The following CACNA1A variants were observed in gnomAD, a reference collection of about 807,000 sequenced individuals.
The protein encoded by CACNA1A is calcium voltage-gated channel subunit alpha1 A.
CACNA1A carries 57 observed loss-of-function variants against 262.4 expected under a neutral mutation model. The ratio of observed to expected loss-of-function variants is 0.22; its 90% confidence interval spans 0.18 to 0.27. CACNA1A has a LOEUF of 0.27. CACNA1A is among the 10% of genes least tolerant of loss of function. The pLI is 1.00. For missense variants in CACNA1A, 2,526 were observed against 3,562.8 expected (o/e 0.71, Z 7.41); for synonymous variants, 1,431 against 1,419.3 (o/e 1.01, Z -0.18).
chr19:13,249,404 G>C (rs1600167916), intron 30 of CACNA1A, among the ~76,000 whole-genome samples: 1 of 152,088 alleles, frequency 6.6e-6, no homozygotes, highest in Admixed American at 6.6e-5. Flanking sequence ...CACCCAGGGT[G>C]GGGTGCAGCG....
At chr19:13,389,709 C>G (rs1048241010) in intron 3 of CACNA1A, among the ~76,000 whole-genome samples, 1 of 152,190 alleles carries the variant, frequency 6.6e-6, no homozygotes, top group Non-Finnish European at 1.5e-5. Flanking sequence ...CGCCTGTTCA[C>G]ATTTTCGGCC....
chr19:13,363,634 T>G (rs1359630556), intron 5 of CACNA1A: 2 of 151,954 alleles, frequency 1.3e-5, no homozygotes, highest in South Asian at 4.1e-4. Flanking sequence ...CGGATCCACT[T>G]GGGGGTCACT....
chr19:13,413,733 T>A (rs1278177715), intron 3 of CACNA1A, among the ~76,000 whole-genome samples: 4 of 134,660 alleles, frequency 3.0e-5, no homozygotes, highest in South Asian at 2.3e-4. Flanking sequence ...AAAAAAAAAA[T>A]TGCCGGGTGT....
At position 13,210,608 on chromosome 19, in the gene CACNA1A, G is replaced by A. The variant is rs369361580; in HGVS notation, c.6339+9C>T. 2.3e-5 allele frequency: 36 copies of A among 1,561,108 alleles called. No homozygotes were observed. Among genetic ancestry groups the A allele is most frequent in the Middle Eastern group, 2.3e-4 (1 of 4,388 alleles). On this transcript the variant is annotated intron_variant, in intron 44 of 46. Transcript: ENST00000360228. ...GCCCTGCTGGGCGCTGGGCAGGCGCGGTACATACACTGAGGTTATTCCCAC... is the reference window on the plus strand; with the variant it reads ...GCCCTGCTGGGCGCTGGGCAGGCGCAGTACATACACTGAGGTTATTCCCAC...
intron 24 of CACNA1A, among the ~76,000 whole-genome samples, chr19:13,266,262 A>G (rs901936168): frequency 1.2e-4 from 18 of 151,930 alleles, no homozygotes; most frequent in African/African-American, 4.4e-4. Context: ...GGGGGAGTGC[A>G]GTGGCACGAT....
intron 1 of CACNA1A, among the ~76,000 whole-genome samples, chr19:13,503,185 C>A (rs1328417681): frequency 6.6e-6 from 1 of 152,014 alleles, no homozygotes; most frequent in East Asian, 1.9e-4. Flanking sequence ...GCAAAAGAAG[C>A]CAGTGGCAAA....
At chr19:13,482,847 C>CG (rs1374932514) in intron 1 of CACNA1A, among the ~76,000 whole-genome samples, 13 of 104,544 alleles carry the variant, frequency 1.2e-4, no homozygotes, top group South Asian at 3.8e-4. Context: ...TTTCTCTCAA[C>CG]TTGTGTGTGT....
chr19:13,497,860 C>T (rs1373097685), intron 1 of CACNA1A, among the ~76,000 whole-genome samples: 1 of 151,992 alleles, frequency 6.6e-6, no homozygotes, highest in Admixed American at 6.6e-5. Flanking sequence ...CATAGGACTA[C>T]TGTCCCCGTT....
rs1275496281 is a variant in CACNA1A, at chr19:13,455,104, C to T, written c.399+3G>A. The T allele has an allele frequency of 1.9e-6, 3 of 1,584,420 alleles. No homozygotes were observed. Among genetic ancestry groups the T allele is most frequent in the Non-Finnish European group, 2.6e-6 (3 of 1,153,522 alleles). On this transcript the variant is annotated splice_donor_region_variant and intron_variant, in intron 2 of 46. Coordinates refer to ENST00000360228, the MANE Select transcript of CACNA1A (RefSeq NM_001127222.2). ...GAAGACCCTGAGAAAAGACATCACT[C>T]ACCAGCCGTTCAGACATCGGGGTCT...
In CACNA1A at chr19:13,207,760, GC is replaced by G. The variant is rs1454929049; in HGVS notation, c.7073del (p.Gly2358AlafsTer250). On this transcript the variant is annotated frameshift_variant, in exon 47 of 47. Transcript: ENST00000360228. LOFTEE classifies it low-confidence loss of function (END_TRUNC). This position sits in a 1 kb window ranked among gnomAD's most constrained non-coding sequence, Gnocchi z 5.7. ...TCCTGGGCGAGCGGCCGCTGCTGTGGCCCCCCGTGGGCGGCCGATCTCCGGC... is the reference window on the plus strand; with the variant it reads ...TCCTGGGCGAGCGGCCGCTGCTGTGGCCCCCGTGGGCGGCCGATCTCCGGC... ...PLAGDRPPTG[G>X]HSSGRSPRME... 2 of 1,375,474 alleles carry G rather than the reference GC, an allele frequency of 1.5e-6. No individual in the cohort carries two copies. Among genetic ancestry groups the G allele is most frequent in the South Asian group, 1.7e-5 (1 of 58,142 alleles). 85.2% of individuals were successfully genotyped at this position (1,375,474 alleles called of 1,614,324 possible).
At chr19:13,311,687 A>T (rs1056786927) in intron 12 of CACNA1A, among the ~76,000 whole-genome samples, 1 of 152,052 alleles carries the variant, frequency 6.6e-6, no homozygotes, top group Non-Finnish European at 1.5e-5. Context: ...AATACAAAAA[A>T]TTAGCCAGGT....
chr19:13,433,872 A>T (rs2060564596), intron 3 of CACNA1A, among the ~76,000 whole-genome samples: 2 of 152,206 alleles, frequency 1.3e-5, no homozygotes, highest in African/African-American at 4.8e-5. Flanking sequence ...GTCTGGAAAC[A>T]GGGTCTTTAC....
rs575141545 is a variant in CACNA1A at position 13,397,358 on chromosome 19, G to A, written c.540-25579C>T. Among the ~76,000 whole-genome samples, 31 of 152,286 alleles carry A rather than the reference G, an allele frequency of 2.0e-4. 1 individual carries two copies. Among genetic ancestry groups the A allele is most frequent in the South Asian group, 1.5e-3 (7 of 4,822 alleles). ...AGGCAAAGGCAAATCCTGAGAGCTG[G>A]AAGCCCAAGAAACAGAGGAGGTGGG... is the stretch of plus-strand genomic sequence containing the variant. On this transcript the variant is annotated intron_variant, in intron 3 of 46. Coordinates refer to ENST00000360228, the MANE Select transcript of CACNA1A (RefSeq NM_001127222.2).
At chr19:13,282,511 GC>G (rs2057315045) in intron 22 of CACNA1A, among the ~76,000 whole-genome samples, 1 of 152,022 alleles carries the variant, frequency 6.6e-6, no homozygotes, top group African/African-American at 2.4e-5. Flanking sequence ...AAGGGGCTAT[GC>G]ACACCCATCC....
chr19:13,488,382 TTTC>T (rs1184784021), intron 1 of CACNA1A, among the ~76,000 whole-genome samples: 8 of 144,410 alleles, frequency 5.5e-5, no homozygotes, highest in Non-Finnish European at 1.2e-4. Context: ...CATTTTCCTT[TTTC>T]TTTTCTTTTT....
chr19:13,476,576 A>C (rs10410766), intron 1 of CACNA1A, among the ~76,000 whole-genome samples: 25,826 of 152,074 alleles, frequency 0.17, 3,915 homozygotes, highest in African/African-American at 0.39. Flanking sequence ...GGAAGTAACT[A>C]CTAATGGGTG....
At chr19:13,357,499 G>A (rs1247722773) in intron 6 of CACNA1A, among the ~76,000 whole-genome samples, 1 of 152,214 alleles carries the variant, frequency 6.6e-6, no homozygotes, top group Non-Finnish European at 1.5e-5. Context: ...ACAGAGCTGT[G>A]TGTATGGAGC....
At chr19:13,460,462 G>A (rs1380139677) in intron 1 of CACNA1A, among the ~76,000 whole-genome samples, 2 of 152,134 alleles carry the variant, frequency 1.3e-5, no homozygotes, top group African/African-American at 2.4e-5. Flanking sequence ...AGAAGAAACC[G>A]AAGATTTTGA....
intron 3 of CACNA1A, among the ~76,000 whole-genome samples, chr19:13,393,687 T>TC (rs1568602483): frequency 1.3e-5 from 1 of 79,594 alleles, no homozygotes; most frequent in East Asian, 7.6e-4. Flanking sequence ...CTTTCTTTCC[T>TC]TTTCTTTCTT....
Sources: allele counts gnomAD v4.1 joint callset (sites outside exome capture counted in the v4.1 genomes callset), GRCh38; gene constraint gnomAD v4.1.1; non-coding constraint Gnocchi (gnomAD v3.1); transcripts MANE v1.5; gene names NCBI Gene and HGNC (gene_info 2026-07-23, HGNC 2026-07-21).